The following KCNIP4 variants were observed in gnomAD, a reference collection of about 807,000 sequenced individuals.
KCNIP4 encodes the protein Kv channel-interacting protein 4.
Under a neutral mutation model 34.0 loss-of-function variants are expected in KCNIP4, and 12 were observed. The ratio of observed to expected loss-of-function variants is 0.35; its 90% CI spans 0.23 to 0.57. The LOEUF (loss-of-function observed/expected upper bound fraction) is 0.57. Ranked by LOEUF, KCNIP4 falls within the 20% of genes least tolerant of loss-of-function variation. The pLI, the probability that KCNIP4 is intolerant of heterozygous loss-of-function variation, is 0.83. For missense variants in KCNIP4, 238 were observed against 311.7 expected, an observed-to-expected ratio of 0.76 and a Z score of 1.78; for synonymous variants, 124 against 102.2, an observed-to-expected ratio of 1.21 and a Z score of -1.29.
intron 1 of KCNIP4, among the ~76,000 whole-genome samples, chr4:21,831,295 T>C (rs1036848910): frequency 6.7e-6 from 1 of 149,944 alleles, no homozygotes; most frequent in Non-Finnish European, 1.5e-5. Flanking sequence ...AGGAAGGAAA[T>C]AAAAGTCAGA....
chr4:21,113,389 TTTGTTC>T (rs1183627476), intron 1 of KCNIP4, among the ~76,000 whole-genome samples: 1 of 150,662 alleles, frequency 6.6e-6, no homozygotes, highest in East Asian at 1.9e-4. Flanking sequence ...CTGAGTTGAT[TTTGTTC>T]TTTTGCCTTC....
chr4:21,299,261 TGTCA>T (rs1764019956), intron 1 of KCNIP4, among the ~76,000 whole-genome samples: 3 of 152,034 alleles, frequency 2.0e-5, no homozygotes, highest in African/African-American at 4.8e-5. Flanking sequence ...ATTAGGATTA[TGTCA>T]GTCAAATAAT....
At chr4:21,422,698 T>C (rs1251271638) in intron 1 of KCNIP4, among the ~76,000 whole-genome samples, 1 of 151,806 alleles carries the variant, frequency 6.6e-6, no homozygotes, top group Admixed American at 6.6e-5. Flanking sequence ...TGTCTGCATA[T>C]GTGCTTGATT....
At chr4:21,732,637 C>T (rs1179763218) in intron 1 of KCNIP4, among the ~76,000 whole-genome samples, 1 of 151,756 alleles carries the variant, frequency 6.6e-6, no homozygotes, top group African/African-American at 2.4e-5. Context: ...TGAAGAGCCC[C>T]TGCCTCCACT....
rs373451734 is a variant in KCNIP4, at chr4:21,015,951, AAG to A, written c.62-133244_62-133243del. Reference sequence around the variant, plus strand: ...ATAAATTTTTTTTTATATATTAAAAAAGAGAGAAAGCTTACGGCATGTCAGGT... The same window carrying A: ...ATAAATTTTTTTTTATATATTAAAAAAGAGAAAGCTTACGGCATGTCAGGT... On this transcript the variant is annotated intron_variant, in intron 1 of 8. Coordinates refer to ENST00000382152, the MANE Select transcript of KCNIP4 (RefSeq NM_025221.6). Among the ~76,000 whole-genome samples, 288 of 145,182 alleles carry A rather than the reference AAG, an allele frequency of 2.0e-3. 6 individuals carry two copies. The South Asian group carries it at 0.053, about 27-fold the overall frequency.
Position 20,732,087 on chromosome 4 carries a change from A to AG in KCNIP4, c.643-20_643-19insC, listed in dbSNP as rs1748412833. The AG allele has an allele frequency of 6.4e-7, 1 of 1,568,404 alleles. No homozygotes were observed. The highest frequency in any genetic ancestry group is 8.8e-7 in the Non-Finnish European group (1 of 1,139,446). On this transcript the variant is annotated intron_variant, in intron 7 of 8. Coordinates refer to ENST00000382152, the MANE Select transcript of KCNIP4 (RefSeq NM_025221.6). ...CCATTTTCTGTTCAGGAAGAAAACA[A>AG]AAATTGTATTTAGACTTATCCCTTA...
At chr4:21,908,243 A>T (rs1054257525) in intron 1 of KCNIP4, among the ~76,000 whole-genome samples, 1 of 152,080 alleles carries the variant, frequency 6.6e-6, no homozygotes, top group Non-Finnish European at 1.5e-5. Flanking sequence ...ACTATTCCAC[A>T]CTTCCCCTCA....
At chr4:21,078,981 G>A (rs1044024472) in intron 1 of KCNIP4, among the ~76,000 whole-genome samples, 2 of 152,032 alleles carry the variant, frequency 1.3e-5, no homozygotes, top group South Asian at 2.1e-4. Flanking sequence ...TTCTGTAGGA[G>A]CCTCCCTCTT....
chr4:21,626,263 A>C (rs551942092), intron 1 of KCNIP4, among the ~76,000 whole-genome samples: 3 of 151,998 alleles, frequency 2.0e-5, no homozygotes, highest in African/African-American at 7.2e-5. Flanking sequence ...CTAATCCTCA[A>C]TGTGATGGTA....
At chr4:21,088,105 T>A (rs1746632259) in intron 1 of KCNIP4, among the ~76,000 whole-genome samples, 1 of 142,498 alleles carries the variant, frequency 7.0e-6, no homozygotes, top group South Asian at 2.2e-4. Context: ...CATATGCCAT[T>A]GTATCTGAAA....
chr4:20,925,404 G>A (rs1278886056), intron 1 of KCNIP4, among the ~76,000 whole-genome samples: 1 of 152,132 alleles, frequency 6.6e-6, no homozygotes, highest in East Asian at 1.9e-4. Flanking sequence ...AAAGAAGCCA[G>A]CTAAAACCTA....
chr4:20,996,977 T>G (rs559593547), intron 1 of KCNIP4, among the ~76,000 whole-genome samples: 1 of 152,290 alleles, frequency 6.6e-6, no homozygotes, highest in Admixed American at 6.5e-5. Flanking sequence ...TTGAATCTCA[T>G]GAAGTGCATC....
intron 1 of KCNIP4, among the ~76,000 whole-genome samples, chr4:21,199,258 C>T (rs1377706259): frequency 3.3e-5 from 5 of 152,122 alleles, no homozygotes; most frequent in Admixed American, 6.5e-5. Context: ...TTTTAATGAT[C>T]GCCATTCTAA....
intron 5 of KCNIP4, among the ~76,000 whole-genome samples, chr4:20,738,926 C>T (rs1228475248): frequency 6.6e-6 from 1 of 152,228 alleles, no homozygotes; most frequent in African/African-American, 2.4e-5. Context: ...GCAAACGGCA[C>T]ACCAGGAGAT....
intron 1 of KCNIP4, among the ~76,000 whole-genome samples, chr4:20,990,600 T>C (rs1737004076): frequency 6.6e-6 from 1 of 152,224 alleles, no homozygotes; most frequent in African/African-American, 2.4e-5. Context: ...TAGTATGTAA[T>C]CTTCACATAA....
chr4:21,626,144 C>T (rs1032987149), intron 1 of KCNIP4, among the ~76,000 whole-genome samples: 3 of 151,996 alleles, frequency 2.0e-5, no homozygotes, highest in Non-Finnish European at 4.4e-5. Context: ...ACTTGGCAAT[C>T]CTAGCAGGGG....
At chr4:21,708,167 T>C (rs1263824305) in intron 1 of KCNIP4, among the ~76,000 whole-genome samples, 9 of 152,124 alleles carry the variant, frequency 5.9e-5, no homozygotes, top group Non-Finnish European at 1.0e-4. Flanking sequence ...ACAAAACACA[T>C]GTAGTTATAG....
chr4:20,746,359 C>G (rs778291877), intron 5 of KCNIP4, among the ~76,000 whole-genome samples: 16 of 152,008 alleles, frequency 1.1e-4, no homozygotes, highest in Non-Finnish European at 2.1e-4. Context: ...ACATCACACA[C>G]CAGGGCATGT....
At chr4:21,839,274 C>T (rs186730335) in intron 1 of KCNIP4, among the ~76,000 whole-genome samples, 50 of 152,054 alleles carry the variant, frequency 3.3e-4, no homozygotes, top group Non-Finnish European at 3.5e-4. Flanking sequence ...GAAGTTGCAA[C>T]GTATTATCTA....
Sources: gnomAD v4.1 joint callset for allele counts (sites outside exome capture counted in the v4.1 genomes callset) on GRCh38, gnomAD v4.1.1 for gene constraint, MANE v1.5 for transcripts, NCBI Gene and HGNC (gene_info 2026-07-23, HGNC 2026-07-21) for gene names.